The following PTPRD variants were observed in gnomAD, a reference collection of about 807,000 sequenced individuals.
PTPRD encodes protein tyrosine phosphatase receptor type D, also known as receptor-type tyrosine-protein phosphatase delta.
Under a neutral mutation model 214.5 loss-of-function variants are expected in PTPRD, and 34 were observed. The ratio of observed to expected loss-of-function variants is 0.16; its 90% CI spans 0.12 to 0.21. PTPRD has a LOEUF of 0.21. PTPRD is among the 10% of genes least tolerant of loss of function. The probability of loss-of-function intolerance (pLI) is 1.00; values close to 1 mark genes in which losing one functional copy is unlikely to be tolerated. For missense variants in PTPRD, 2,545 were observed against 2,398.7 expected (o/e 1.06, Z -1.27); for synonymous variants, 1,128 against 845.7 (o/e 1.33, Z -5.79).
At chr9:8,436,796 G>C in intron 34 of PTPRD, 107 bp from the exon 35 acceptor site, 1 of 836,114 alleles carries the variant, frequency 1.2e-6, no homozygotes, top group East Asian at 2.7e-5. Context: ...GAAAATATGT[G>C]AGTAGTAAAG....
At position 9,101,442 on chromosome 9, in the gene PTPRD, T is replaced by A. The variant is rs771439441; in HGVS notation, c.-143+81862A>T. ...ATACGATTAGCATCCTCACCTCCCA[T>A]GAAATCAAGAATGGGGATGGAAGGT... On this transcript the variant is annotated intron_variant, in intron 10 of 45. Coordinates refer to ENST00000381196, the MANE Select transcript of PTPRD (RefSeq NM_002839.4). Among the ~76,000 whole-genome samples the A allele has an allele frequency of 2.6e-5, 4 of 152,158 alleles. No homozygotes were observed. The East Asian group carries it at 7.7e-4, about 29-fold the overall frequency.
chr9:8,976,005 T>C (rs1246268730), intron 11 of PTPRD, among the ~76,000 whole-genome samples: 1 of 152,062 alleles, frequency 6.6e-6, no homozygotes. Flanking sequence ...ACTTTGCCAT[T>C]ACTGTAAAAC....
chr9:8,742,852 G>C (rs2092239489), intron 11 of PTPRD, among the ~76,000 whole-genome samples: 1 of 152,084 alleles, frequency 6.6e-6, no homozygotes, highest in South Asian at 2.1e-4. Flanking sequence ...TCAAATCTCT[G>C]GGCCAGCTGT....
intron 5 of PTPRD, among the ~76,000 whole-genome samples, chr9:9,903,968 T>C (rs2076982206): frequency 6.6e-6 from 1 of 152,152 alleles, no homozygotes; most frequent in Non-Finnish European, 1.5e-5. Flanking sequence ...CATTAACCTC[T>C]ATCTTGGGTC....
At chr9:10,109,782 C>T (rs541369428) in intron 3 of PTPRD, among the ~76,000 whole-genome samples, 3 of 152,042 alleles carry the variant, frequency 2.0e-5, no homozygotes, top group Middle Eastern at 3.4e-3. Context: ...TTCTGAAACT[C>T]ATGGGGAAAA....
intron 2 of PTPRD, among the ~76,000 whole-genome samples, chr9:10,352,003 C>G (rs1224445616): frequency 6.6e-6 from 1 of 151,870 alleles, no homozygotes; most frequent in Non-Finnish European, 1.5e-5. Flanking sequence ...ATAGGTAAAT[C>G]CTATTTCATT....
At chr9:10,035,195 A>G (rs922673916) in intron 3 of PTPRD, among the ~76,000 whole-genome samples, 13 of 152,106 alleles carry the variant, frequency 8.5e-5, no homozygotes, top group Admixed American at 5.9e-4. Context: ...CATTTCTCTA[A>G]TGATCAATGA....
intron 11 of PTPRD, among the ~76,000 whole-genome samples, chr9:9,014,231 A>G (rs1270389064): frequency 1.5e-5 from 2 of 129,910 alleles, no homozygotes; most frequent in Non-Finnish European, 3.2e-5. Flanking sequence ...CATTTATTTG[A>G]GTTTCATGAG....
chr9:8,792,468 T>C (rs556271349), intron 11 of PTPRD, among the ~76,000 whole-genome samples: 11 of 152,248 alleles, frequency 7.2e-5, no homozygotes, highest in East Asian at 3.9e-4. Flanking sequence ...GGCAGAAGCA[T>C]TTATAATGGA....
At chr9:10,499,901 A>T (rs901482375) in intron 2 of PTPRD, among the ~76,000 whole-genome samples, 1 of 152,002 alleles carries the variant, frequency 6.6e-6, no homozygotes, top group African/African-American at 2.4e-5. Context: ...TGTTAATTTT[A>T]AAAAATTACA....
chr9:9,848,472 CATGGCTT>C (rs753211717), intron 5 of PTPRD, among the ~76,000 whole-genome samples: 104 of 152,052 alleles, frequency 6.8e-4, no homozygotes, highest in Non-Finnish European at 1.1e-3. Flanking sequence ...TAAGCATTTA[CATGGCTT>C]ATTTCGTTTA....
intron 3 of PTPRD, among the ~76,000 whole-genome samples, chr9:10,226,712 T>C (rs1297268246): frequency 6.6e-6 from 1 of 152,044 alleles, no homozygotes; most frequent in Non-Finnish European, 1.5e-5. Context: ...TTACAAATGA[T>C]AACATTGCCC....
chr9:9,468,619 C>A (rs2094384299), intron 8 of PTPRD, among the ~76,000 whole-genome samples: 1 of 151,890 alleles, frequency 6.6e-6, no homozygotes, highest in Admixed American at 6.6e-5. Flanking sequence ...ATATATGTTT[C>A]TCTAATTGTT....
intron 9 of PTPRD, among the ~76,000 whole-genome samples, chr9:9,241,520 C>A (rs10816071): frequency 0.17 from 25,412 of 151,946 alleles, 2,573 homozygotes; most frequent in East Asian, 0.37. Context: ...GGCAAGAAAG[C>A]GCACCTTGGA....
chr9:8,317,045 A>G lies in PTPRD; in HGVS notation c.*829T>C. 1 of 231,790 alleles carries G rather than the reference A, an allele frequency of 4.3e-6. No homozygotes were observed. Among genetic ancestry groups the G allele is most frequent in the Non-Finnish European group, 8.6e-6 (1 of 116,858 alleles). 14.4% of individuals were successfully genotyped at this position (231,790 alleles called of 1,614,324 possible). On this transcript the variant is annotated 3_prime_UTR_variant, in exon 46 of 46. Transcript: ENST00000381196. ...TTGATTCCAAAAACAAAACAAAATAATAATTATCTTTGATTATTTGAAGAG... is the reference window on the plus strand; with the variant it reads ...TTGATTCCAAAAACAAAACAAAATAGTAATTATCTTTGATTATTTGAAGAG...
intron 4 of PTPRD, among the ~76,000 whole-genome samples, chr9:9,959,587 T>C (rs1378485637): frequency 6.6e-6 from 1 of 152,122 alleles, no homozygotes; most frequent in African/African-American, 2.4e-5. Flanking sequence ...AAAACCTCAC[T>C]GAAGAGAATG....
intron 12 of PTPRD, among the ~76,000 whole-genome samples, chr9:8,663,384 C>T (rs1300578885): frequency 6.8e-6 from 1 of 147,290 alleles, no homozygotes; most frequent in Non-Finnish European, 1.5e-5. Flanking sequence ...ATTTACCAAA[C>T]TAAAAAAAAA....
In PTPRD at chr9:10,258,760, T is replaced by C. The variant is rs2093475154; in HGVS notation, c.-545+82203A>G. On this transcript the variant is annotated intron_variant, in intron 3 of 45. Coordinates refer to ENST00000381196, the MANE Select transcript of PTPRD (RefSeq NM_002839.4). ...CGTTTTGTATCTCTCTCTCTTTCTC[T>C]CTCTTTCTTTCAAATCCTAAGGAAA... is the stretch of plus-strand genomic sequence containing the variant. Among the ~76,000 whole-genome samples, 3 of 152,084 alleles carry C rather than the reference T, an allele frequency of 2.0e-5. No individual in the cohort carries two copies. In the South Asian group the frequency reaches 6.2e-4, roughly 32 times the overall value.
chr9:10,032,814 T>G (rs896120907), intron 4 of PTPRD, among the ~76,000 whole-genome samples: 2 of 152,044 alleles, frequency 1.3e-5, no homozygotes, highest in African/African-American at 4.8e-5. Flanking sequence ...TTGTTATATC[T>G]TTTTACATTT....
Sources: gnomAD v4.1 joint callset for allele counts (sites outside exome capture counted in the v4.1 genomes callset) on GRCh38, gnomAD v4.1.1 for gene constraint, MANE v1.5 for transcripts, NCBI Gene and HGNC (gene_info 2026-07-23, HGNC 2026-07-21) for gene names.